ZFAND3: variants seen among roughly 807,000 people sequenced by gnomAD.
ZFAND3 encodes the protein AN1-type zinc finger protein 3.
Under a neutral mutation model 29.6 loss-of-function variants are expected in ZFAND3, and 10 were observed. The observed-to-expected ratio is 0.34, with a 90% confidence interval of 0.21 to 0.57. The LOEUF is 0.57. Among genes scored for constraint, ZFAND3 ranks in the 20% least tolerant of loss-of-function variants. The probability of loss-of-function intolerance (pLI) is 0.86; values close to 1 mark genes in which losing one functional copy is unlikely to be tolerated. For missense variants in ZFAND3, 230 were observed against 304.5 expected, an observed-to-expected ratio of 0.76 and a Z score of 1.82; for synonymous variants, 128 against 112.6, an observed-to-expected ratio of 1.14 and a Z score of -0.87.
intron 2 of ZFAND3, among the ~76,000 whole-genome samples, chr6:37,977,671 C>A (rs545492222): frequency 6.6e-6 from 1 of 151,688 alleles, no homozygotes; most frequent in Admixed American, 6.6e-5. Flanking sequence ...AGAGGGCAAG[C>A]TTTCAGTCTT....
chr6:37,905,867 C>T (rs1232804881), intron 1 of ZFAND3, among the ~76,000 whole-genome samples: 1 of 151,806 alleles, frequency 6.6e-6, no homozygotes, highest in South Asian at 2.1e-4. Flanking sequence ...TAGCATACAT[C>T]TTGTTTGTAG....
At chr6:38,035,302 A>G (rs1288149735) in intron 2 of ZFAND3, among the ~76,000 whole-genome samples, 6 of 152,330 alleles carry the variant, frequency 3.9e-5, no homozygotes, top group African/African-American at 9.6e-5. Context: ...TTTTCAAAAT[A>G]TATTATCATA....
At chr6:38,144,226 TA>T (rs1410280007) in intron 5 of ZFAND3, among the ~76,000 whole-genome samples, 4 of 76,728 alleles carry the variant, frequency 5.2e-5, no homozygotes, top group South Asian at 3.5e-4. Context: ...ATAATATATA[TA>T]TATATTTTTT....
intron 1 of ZFAND3, among the ~76,000 whole-genome samples, chr6:37,844,012 G>A (rs1764129059): frequency 1.3e-5 from 2 of 151,674 alleles, no homozygotes; most frequent in Non-Finnish European, 2.9e-5. Flanking sequence ...CCACCCCTTG[G>A]GCTCAATTGA....
chr6:38,075,826 A>G (rs868273890), intron 3 of ZFAND3, among the ~76,000 whole-genome samples: 5 of 152,050 alleles, frequency 3.3e-5, no homozygotes, highest in Admixed American at 2.6e-4. Context: ...ATCTCTGCTC[A>G]CTGCAACCTC....
chr6:37,918,145 C>T (rs773272244), intron 1 of ZFAND3, among the ~76,000 whole-genome samples: 21 of 151,220 alleles, frequency 1.4e-4, no homozygotes, highest in African/African-American at 4.9e-4. Flanking sequence ...GGTGTGATCT[C>T]GGCTCACTGC....
intron 4 of ZFAND3, among the ~76,000 whole-genome samples, chr6:38,087,561 A>G (rs190239486): frequency 3.9e-5 from 6 of 152,358 alleles, no homozygotes; most frequent in East Asian, 3.9e-4. Flanking sequence ...AAGAAGACCT[A>G]TGAATGGCAA....
chr6:37,914,764 G>T (rs565644278), intron 1 of ZFAND3, among the ~76,000 whole-genome samples: 1 of 148,484 alleles, frequency 6.7e-6, no homozygotes, highest in South Asian at 2.1e-4. Flanking sequence ...GCCTCCCAAA[G>T]TGCTGGGATT....
At chr6:37,834,260 T>C (rs1561904548) in intron 1 of ZFAND3, among the ~76,000 whole-genome samples, 1 of 152,240 alleles carries the variant, frequency 6.6e-6, no homozygotes, top group East Asian at 1.9e-4. Context: ...ATACAGTATG[T>C]AGCCTTTTCA....
chr6:38,092,078 T>C (rs1215748743), intron 4 of ZFAND3, among the ~76,000 whole-genome samples: 1 of 152,230 alleles, frequency 6.6e-6, no homozygotes, highest in Non-Finnish European at 1.5e-5. Flanking sequence ...TTATTCCTCA[T>C]ACCTGTGTCT....
In ZFAND3 at chr6:37,819,972, C is replaced by T. The variant is rs1196639118; in HGVS notation, c.27C>T (p.Ser9=). The change falls in exon 1 of 6, where the codon AGC becomes AGT. Residue 9 remains serine (S), a synonymous_variant. Transcript: ENST00000287218. Reference sequence around the variant, plus strand: ...TGGGAGACGCTGGGAGCGAGCGCAGCAAAGCGCCCAGCCTGCCGCCTCGCT... The same window carrying T: ...TGGGAGACGCTGGGAGCGAGCGCAGTAAAGCGCCCAGCCTGCCGCCTCGCT... MGDAGSER[S]KAPSLPPRCP... 6.5e-6 allele frequency: 8 copies of T among 1,221,686 alleles called. No homozygotes were observed. The highest frequency in any genetic ancestry group is 3.9e-5 in the South Asian group (1 of 25,520). 75.7% of individuals were successfully genotyped at this position (1,221,686 alleles called of 1,614,324 possible).
At chr6:37,951,089 G>A (rs2127420709) in intron 2 of ZFAND3, among the ~76,000 whole-genome samples, 1 of 152,184 alleles carries the variant, frequency 6.6e-6, no homozygotes, top group Non-Finnish European at 1.5e-5. Context: ...TCACCTCCCT[G>A]GTTAGCTGTA....
rs115294073 is a variant in ZFAND3 at position 37,951,902 on chromosome 6, C to T, written c.112+21903C>T. Among the ~76,000 whole-genome samples the T allele has an allele frequency of 2.8e-3, 433 of 152,202 alleles. 2 individuals are homozygous for T. Among genetic ancestry groups the T allele is most frequent in the African/African-American group, 9.9e-3 (410 of 41,516 alleles). ...TTTGTTGAAGGTTTTTAACACGAAGCGATGTTGACTTTTATCAAAAGCCTT... is the reference window on the plus strand; with the variant it reads ...TTTGTTGAAGGTTTTTAACACGAAGTGATGTTGACTTTTATCAAAAGCCTT... On this transcript the variant is annotated intron_variant, in intron 2 of 5. Transcript: ENST00000287218.
chr6:37,819,895 C>A lies in ZFAND3; in HGVS notation c.-51C>A. The A allele has an allele frequency of 8.7e-7, 1 of 1,146,662 alleles. No homozygotes were observed. Among genetic ancestry groups the A allele is most frequent in the Non-Finnish European group, 1.1e-6 (1 of 926,870 alleles). 71.0% of individuals were successfully genotyped at this position (1,146,662 alleles called of 1,614,324 possible). On this transcript the variant is annotated 5_prime_UTR_variant, in exon 1 of 6. Coordinates refer to ENST00000287218, the MANE Select transcript of ZFAND3 (RefSeq NM_021943.3). The stretch of plus-strand genomic sequence containing the variant: ...CCGCCTCCTCAGAGCGGGGCCCGGG[C>A]CCAGCCGCCGCCACCGCTGCCGCCG...
chr6:37,972,702 T>G (rs1005450592), intron 2 of ZFAND3, among the ~76,000 whole-genome samples: 1 of 152,226 alleles, frequency 6.6e-6, no homozygotes, highest in East Asian at 1.9e-4. Context: ...TATTAATTTT[T>G]TTTTTTTTTT....
At chr6:38,079,086 C>G (rs138143811) in intron 3 of ZFAND3, among the ~76,000 whole-genome samples, 1 of 152,248 alleles carries the variant, frequency 6.6e-6, no homozygotes, top group Non-Finnish European at 1.5e-5. Flanking sequence ...TTGGAACTAC[C>G]TGTAATTGTG....
intron 1 of ZFAND3, among the ~76,000 whole-genome samples, chr6:37,887,215 G>A (rs1344435401): frequency 2.6e-5 from 4 of 152,138 alleles, no homozygotes; most frequent in African/African-American, 4.8e-5. Context: ...TTTGAAAGCA[G>A]TGAAATTACA....
chr6:37,980,424 T>A (rs917263814), intron 2 of ZFAND3, among the ~76,000 whole-genome samples: 4 of 152,218 alleles, frequency 2.6e-5, no homozygotes, highest in African/African-American at 9.6e-5. Flanking sequence ...TCTTGTATCA[T>A]TTGCTGATCT....
chr6:37,886,916 A>G (rs1349722917), intron 1 of ZFAND3, among the ~76,000 whole-genome samples: 1 of 152,188 alleles, frequency 6.6e-6, no homozygotes, highest in African/African-American at 2.4e-5. Flanking sequence ...AGGCACATGA[A>G]TTGCTTGACC....
Sources: allele counts gnomAD v4.1 joint callset (sites outside exome capture counted in the v4.1 genomes callset), GRCh38; gene constraint gnomAD v4.1.1; transcripts MANE v1.5; gene names NCBI Gene and HGNC (gene_info 2026-07-23, HGNC 2026-07-21).